TBC1D9: variants seen among roughly 807,000 people sequenced by gnomAD.
The protein encoded by TBC1D9 is TBC1 domain family member 9.
TBC1D9 carries 63 observed loss-of-function variants against 132.0 expected under a neutral mutation model. The ratio of observed to expected loss-of-function variants is 0.48; its 90% CI spans 0.39 to 0.59. The LOEUF (loss-of-function observed/expected upper bound fraction) is 0.59, where lower values mean the gene tolerates loss of function less well. Ranked by LOEUF, TBC1D9 falls within the 20% of genes least tolerant of loss-of-function variation. The pLI, the probability that TBC1D9 is intolerant of heterozygous loss-of-function variation, is 0.00. For missense variants in TBC1D9, 1,261 were observed against 1,592.7 expected, an observed-to-expected ratio of 0.79 and a Z score of 3.54; for synonymous variants, 610 against 609.9, an observed-to-expected ratio of 1.00 and a Z score of 0.00.
chr4:140,709,411 G>A (rs1402999412), intron 1 of TBC1D9, among the ~76,000 whole-genome samples: 2 of 151,356 alleles, frequency 1.3e-5, no homozygotes, highest in Non-Finnish European at 2.9e-5. Context: ...ACTGGGGGAC[G>A]GGGCTGAAAA....
In TBC1D9 at chr4:140,678,928, T is replaced by C; in HGVS notation, c.851+14A>G. ...TTTCTAAAGTCTGGAAGATACAAGG[T>C]CTCTATCACCCACCGTTTTAGAGCA... is the stretch of plus-strand genomic sequence containing the variant. On this transcript the variant is annotated intron_variant, in intron 5 of 20. Transcript: ENST00000442267. 2 of 1,611,340 alleles carry C rather than the reference T, an allele frequency of 1.2e-6. No individual in the cohort carries two copies. The highest frequency in any genetic ancestry group is 2.2e-5 in the South Asian group (2 of 90,808).
chr4:140,679,084 T>C lies in TBC1D9; in HGVS notation c.709A>G (p.Asn237Asp). 2.5e-6 allele frequency: 4 copies of C among 1,613,964 alleles called. No individual in the cohort carries two copies. Among genetic ancestry groups the C allele is most frequent in the Non-Finnish European group, 3.4e-6 (4 of 1,179,860 alleles). ...SSEHFFSVFLNINETFKLMEQ... is the reference protein window; with the variant it reads ...SSEHFFSVFLDINETFKLMEQ... ...ATTAACTTGAAGGTCTCGTTGATGT[T>C]GAGGAATACAGAGAAGAAATGCTCA... Residue 237 changes from asparagine to aspartate, a missense_variant, in exon 5 of 21, where the codon AAC (asparagine) becomes GAC (aspartate). By Grantham distance (23) the Asn-to-Asp change is conservative (BLOSUM62 1). Coordinates refer to ENST00000442267, the MANE Select transcript of TBC1D9 (RefSeq NM_015130.3).
At chr4:140,642,269 C>T in intron 13 of TBC1D9, 1 of 707,090 alleles carries the variant, frequency 1.4e-6, no homozygotes, top group Non-Finnish European at 2.5e-6. Context: ...AGTAGCTGCT[C>T]ACTTCGGAGG....
At chr4:140,742,467 G>A (rs1036105013) in intron 1 of TBC1D9, among the ~76,000 whole-genome samples, 1 of 148,900 alleles carries the variant, frequency 6.7e-6, no homozygotes, top group East Asian at 2.0e-4. Context: ...GGGAGGTGGA[G>A]GTTGCAGTGA....
At chr4:140,641,105 C>CAAAAAAAAAAAAAAAAAAAAAAAAA (rs1038335139) in intron 13 of TBC1D9, among the ~76,000 whole-genome samples, 1 of 59,780 alleles carries the variant, frequency 1.7e-5, no homozygotes, top group African/African-American at 6.1e-5. Context: ...AAAAAAAAAA[C>CAAAAAAAAAAAAAAAAAAAAAAAAA]AAAAAAAAAC....
chr4:140,686,368 G>T lies in TBC1D9; in HGVS notation c.336C>A (p.Thr112=). 1 of 1,602,554 alleles carries T rather than the reference G, an allele frequency of 6.2e-7. No individual in the cohort carries two copies. The highest frequency in any genetic ancestry group is 8.5e-7 in the Non-Finnish European group (1 of 1,170,740). The change falls in exon 3 of 21, where the codon ACC becomes ACA. Residue 112 remains threonine, a synonymous_variant. Coordinates refer to ENST00000442267, the MANE Select transcript of TBC1D9 (RefSeq NM_015130.3). The stretch of plus-strand genomic sequence containing the variant: ...CCTGTATTTTTCCTCTCACAAATGT[G>T]GTGATATCATTCTCATTTTCAAAGA... ...LSIFENENDI[T]TFVRGKIQGI...
chr4:140,698,411 C>T (rs1420798742), intron 2 of TBC1D9, among the ~76,000 whole-genome samples: 3 of 152,130 alleles, frequency 2.0e-5, no homozygotes, highest in Non-Finnish European at 4.4e-5. Flanking sequence ...TGGTTATAGT[C>T]AATTGTCATT....
chr4:140,687,397 A>G (rs1317116158), intron 2 of TBC1D9, among the ~76,000 whole-genome samples: 1 of 57,082 alleles, frequency 1.8e-5, no homozygotes, highest in Admixed American at 2.2e-4. Flanking sequence ...TATATATATA[A>G]ACATATAGTA....
chr4:140,632,692 C>T (rs1736816994), intron 16 of TBC1D9, among the ~76,000 whole-genome samples: 1 of 152,078 alleles, frequency 6.6e-6, no homozygotes, highest in African/African-American at 2.4e-5. Context: ...AGGTAGGTAA[C>T]GAAGCATAAG....
At chr4:140,717,504 C>T (rs1560894886) in intron 1 of TBC1D9, among the ~76,000 whole-genome samples, 1 of 152,140 alleles carries the variant, frequency 6.6e-6, no homozygotes, top group Non-Finnish European at 1.5e-5. Flanking sequence ...CCTGTTGGGA[C>T]AATATTTCAT....
intron 2 of TBC1D9, among the ~76,000 whole-genome samples, chr4:140,694,557 T>A: frequency 7.4e-6 from 1 of 135,894 alleles, no homozygotes. Context: ...GGCAACAGAG[T>A]AAGACCCTGT....
chr4:140,667,748 G>A (rs1222318722), intron 9 of TBC1D9, among the ~76,000 whole-genome samples: 1 of 151,324 alleles, frequency 6.6e-6, no homozygotes, highest in Non-Finnish European at 1.5e-5. Context: ...AAAGAAAGAA[G>A]GAAAGAAAAA....
At chr4:140,712,246 T>C (rs1257014455) in intron 1 of TBC1D9, 1 of 148,448 alleles carries the variant, frequency 6.7e-6, no homozygotes, top group East Asian at 2.0e-4. Flanking sequence ...GTTCATTTTT[T>C]CCCTCTGGTA....
intron 2 of TBC1D9, among the ~76,000 whole-genome samples, chr4:140,694,052 T>C (rs1737914850): frequency 6.6e-6 from 1 of 152,206 alleles, no homozygotes; most frequent in African/African-American, 2.4e-5. Context: ...TTTTTTTAAC[T>C]TGTTTATTTT....
intron 6 of TBC1D9, among the ~76,000 whole-genome samples, chr4:140,676,551 G>A (rs1737627570): frequency 6.6e-6 from 1 of 152,200 alleles, no homozygotes; most frequent in African/African-American, 2.4e-5. Context: ...TACTCAGGAG[G>A]CTGAGGCAGG....
chr4:140,713,749 T>A (rs1457214127), intron 1 of TBC1D9, among the ~76,000 whole-genome samples: 2 of 147,822 alleles, frequency 1.4e-5, no homozygotes, highest in East Asian at 2.0e-4. Flanking sequence ...GAAAAAGAAT[T>A]AAAAAAAAAA....
intron 13 of TBC1D9, among the ~76,000 whole-genome samples, chr4:140,647,632 A>G (rs563145991): frequency 6.6e-6 from 1 of 152,332 alleles, no homozygotes; most frequent in South Asian, 2.1e-4. Flanking sequence ...GTGCCAAGCA[A>G]AAGAGCTATT....
intron 1 of TBC1D9, among the ~76,000 whole-genome samples, chr4:140,726,552 CA>C (rs1207499459): frequency 6.6e-6 from 1 of 151,960 alleles, no homozygotes; most frequent in Non-Finnish European, 1.5e-5. Context: ...TAAATACACA[CA>C]AACATAAAAC....
intron 15 of TBC1D9, among the ~76,000 whole-genome samples, chr4:140,637,347 C>CAGG (rs1283249342): frequency 1.4e-5 from 2 of 146,622 alleles, no homozygotes; most frequent in African/African-American, 5.3e-5. Context: ...GAGACTCCGT[C>CAGG]TCAAAGAAGG....
Sources: allele counts gnomAD v4.1 joint callset (sites outside exome capture counted in the v4.1 genomes callset), GRCh38; gene constraint gnomAD v4.1.1; transcripts MANE v1.5; gene names NCBI Gene and HGNC (gene_info 2026-07-23, HGNC 2026-07-21).